The following FRMPD4 variants were observed in gnomAD, a reference collection of about 807,000 sequenced individuals.
The protein encoded by FRMPD4 is FERM and PDZ domain containing 4.
In FRMPD4, 22 loss-of-function variants were observed where a neutral mutation model predicts 94.1. The observed-to-expected ratio is 0.23, with a 90% CI of 0.17 to 0.33. FRMPD4 has a LOEUF of 0.33. Among genes scored for constraint, FRMPD4 ranks in the 10% least tolerant of loss-of-function variants. The pLI, the probability that FRMPD4 is intolerant of heterozygous loss-of-function variation, is 1.00. For missense variants in FRMPD4, 1,111 were observed against 1,339.9 expected (o/e 0.83, Z 2.67); for synonymous variants, 631 against 548.6 (o/e 1.15, Z -2.10).
At chrX:12,358,338 C>A (rs1158362697) in intron 1 of FRMPD4, among the ~76,000 whole-genome samples, 4 of 111,157 alleles carry the variant, frequency 3.6e-5, no homozygotes, top group African/African-American at 1.3e-4. Flanking sequence ...CTATCTGGGG[C>A]AAATTATTTG....
At chrX:12,214,440 C>G (rs929448964) in intron 1 of FRMPD4, among the ~76,000 whole-genome samples, 2 of 112,089 alleles carry the variant, frequency 1.8e-5, no homozygotes, top group Non-Finnish European at 3.8e-5. Flanking sequence ...ATGATTTATA[C>G]CCTGTTGTAG....
chrX:11,923,726 C>A lies in FRMPD4; in HGVS notation c.95+45708C>A, dbSNP rs770079134. 3.6e-5 allele frequency among the ~76,000 whole-genome samples: 4 copies of A among 112,450 alleles called. No homozygotes were observed. In the East Asian group the frequency reaches 8.3e-4, roughly 23 times the overall value. ...AGTTGGCTGAATGCATCTTATACCA[C>A]AAACCCTCAAGGTCATCAAATAGGA... On this transcript the variant is annotated intron_variant, in intron 3 of 18. Transcript: ENST00000640291.
At chrX:12,187,407 G>A (rs1462618756) in intron 1 of FRMPD4, among the ~76,000 whole-genome samples, 1 of 111,582 alleles carries the variant, frequency 9.0e-6, no homozygotes, top group African/African-American at 3.3e-5. Context: ...AATTTACCTC[G>A]TTGCCACAGT....
rs906447958 is a variant in FRMPD4 at position 12,718,134 on chromosome X, A to G, written c.3308A>G (p.Glu1103Gly). Residue 1103 changes from glutamate to glycine, a missense_variant, in exon 16 of 17, where the codon GAA (glutamate) becomes GGA (glycine). By Grantham distance (98) the Glu-to-Gly change is moderately conservative (BLOSUM62 -2). Coordinates refer to ENST00000675598, the MANE Select transcript of FRMPD4 (RefSeq NM_001368397.1). The part of the protein sequence containing the change: ...WYVATEGGMA[E>G]KSGLEAATGK... ...GTGGCCACTGAAGGTGGGATGGCTG[A>G]AAAAAGTGGATTAGAAGCAGCAACA... The G allele has an allele frequency of 7.4e-6, 9 of 1,209,997 alleles. No individual in the cohort carries two copies. In the Admixed American group the frequency reaches 1.7e-4, roughly 23 times the overall value.
intron 1 of FRMPD4, among the ~76,000 whole-genome samples, chrX:12,367,060 C>T (rs2056093706): frequency 1.8e-5 from 2 of 111,765 alleles, no homozygotes; most frequent in Admixed American, 9.4e-5. Context: ...GGAGACCAAG[C>T]CTTTGCTTTT....
At chrX:12,597,533 G>GA (rs1471182228) in intron 2 of FRMPD4, among the ~76,000 whole-genome samples, 1 of 112,166 alleles carries the variant, frequency 8.9e-6, no homozygotes, top group Admixed American at 9.4e-5. Context: ...AGCATGACTG[G>GA]AAAAATGTAT....
chrX:12,647,737 G>T (rs922642797), intron 4 of FRMPD4, among the ~76,000 whole-genome samples: 2 of 111,666 alleles, frequency 1.8e-5, no homozygotes, highest in Non-Finnish European at 3.8e-5. Flanking sequence ...AGTCCTTCTC[G>T]TGCCACTTAA....
At chrX:12,709,109 C>T (rs1230762255) in intron 13 of FRMPD4, among the ~76,000 whole-genome samples, 1 of 111,701 alleles carries the variant, frequency 9.0e-6, no homozygotes, top group East Asian at 2.8e-4. Flanking sequence ...GTGTCGTGCC[C>T]GGCCGATGGC....
intron 1 of FRMPD4, among the ~76,000 whole-genome samples, chrX:12,179,347 T>C (rs759375038): frequency 9.0e-6 from 1 of 111,082 alleles, no homozygotes; most frequent in South Asian, 3.9e-4. Context: ...ACCCTCTTAA[T>C]GGGAGGAGAA....
At chrX:12,246,705 A>G (rs2053963689) in intron 1 of FRMPD4, among the ~76,000 whole-genome samples, 1 of 111,141 alleles carries the variant, frequency 9.0e-6, no homozygotes, top group African/African-American at 3.3e-5. Flanking sequence ...AGTACAGACA[A>G]AAGGAGATAC....
intron 1 of FRMPD4, among the ~76,000 whole-genome samples, chrX:12,479,463 T>TGTATATATATGTATATACATATATATAC (rs1309673722): frequency 2.0e-5 from 2 of 101,139 alleles, no homozygotes; most frequent in Non-Finnish European, 3.9e-5. Context: ...TATGTATATA[T>TGTATATATATGTATATACATATATATAC]GTATATATAT....
intron 3 of FRMPD4, among the ~76,000 whole-genome samples, chrX:11,898,190 A>G (rs1337167631): frequency 9.0e-6 from 1 of 110,755 alleles, no homozygotes; most frequent in East Asian, 2.8e-4. Context: ...GGTCTAGATC[A>G]GTGATTGTAT....
chrX:11,889,539 G>A (rs896992995), intron 3 of FRMPD4, among the ~76,000 whole-genome samples: 2 of 112,177 alleles, frequency 1.8e-5, no homozygotes, highest in East Asian at 2.8e-4. Context: ...CAAGTGTTGT[G>A]GCTTTAAAAA....
chrX:12,500,580 C>T (rs966286949), intron 2 of FRMPD4, among the ~76,000 whole-genome samples: 1 of 110,725 alleles, frequency 9.0e-6, no homozygotes, highest in Non-Finnish European at 1.9e-5. Context: ...ATCCAGTATG[C>T]CCTTGAACAT....
intron 3 of FRMPD4, among the ~76,000 whole-genome samples, chrX:12,079,851 A>T (rs1388978690): frequency 2.7e-5 from 3 of 112,547 alleles, no homozygotes; most frequent in African/African-American, 9.7e-5. Flanking sequence ...ATAGAGACCT[A>T]TTAATAATCT....
chrX:12,478,528 A>G (rs986057984), intron 1 of FRMPD4, among the ~76,000 whole-genome samples: 1 of 112,151 alleles, frequency 8.9e-6, no homozygotes, highest in Non-Finnish European at 1.9e-5. Context: ...GGCTGCAGTG[A>G]GCCATGATCA....
intron 2 of FRMPD4, among the ~76,000 whole-genome samples, chrX:12,531,562 T>G (rs1602081869): frequency 9.0e-6 from 1 of 111,721 alleles, no homozygotes; most frequent in Admixed American, 9.5e-5. Flanking sequence ...ACATTTCTAA[T>G]AAGCTTCCAG....
intron 5 of FRMPD4, among the ~76,000 whole-genome samples, chrX:12,676,355 G>A (rs1208223727): frequency 1.8e-5 from 2 of 112,476 alleles, no homozygotes; most frequent in Non-Finnish European, 3.8e-5. Flanking sequence ...CACATTTCTT[G>A]ATTTATTTGC....
At chrX:12,315,948 G>A (rs1399027571) in intron 1 of FRMPD4, among the ~76,000 whole-genome samples, 7 of 111,474 alleles carry the variant, frequency 6.3e-5, no homozygotes, top group African/African-American at 2.3e-4. Flanking sequence ...GTCTTACATT[G>A]CACTGCACAG....
Sources: allele counts gnomAD v4.1 joint callset (sites outside exome capture counted in the v4.1 genomes callset), GRCh38; gene constraint gnomAD v4.1.1; transcripts MANE v1.5; gene names NCBI Gene and HGNC (gene_info 2026-07-23, HGNC 2026-07-21).